SNX29: variants seen among roughly 807,000 people sequenced by gnomAD.
The protein encoded by SNX29 is sorting nexin-29.
A neutral mutation model predicts 102.1 loss-of-function variants in SNX29; 78 were observed. The ratio of observed to expected loss-of-function variants is 0.76; its 90% CI spans 0.64 to 0.92. The LOEUF (loss-of-function observed/expected upper bound fraction) is 0.92. Among genes scored for constraint, SNX29 ranks in the 40% least tolerant of loss-of-function variants. SNX29 has a pLI of 0.00. For missense variants in SNX29, 1,280 were observed against 1,061.7 expected (o/e 1.21, Z -2.86); for synonymous variants, 580 against 414.5 (o/e 1.40, Z -4.85).
At chr16:12,383,747 TA>T (rs545971536) in intron 16 of SNX29, among the ~76,000 whole-genome samples, 19 of 138,098 alleles carry the variant, frequency 1.4e-4, no homozygotes, top group Admixed American at 2.2e-4. Context: ...GATGTAACAT[TA>T]AAAAAAAAAG....
Position 12,572,691 on chromosome 16 carries a change from C to G in SNX29, c.*4062C>G, listed in dbSNP as rs980189901. 7.5e-6 allele frequency: 8 copies of G among 1,063,794 alleles called. No homozygotes were observed. The highest frequency in any genetic ancestry group is 3.3e-5 in the African/African-American group (2 of 60,966). 65.9% of individuals were successfully genotyped at this position (1,063,794 alleles called of 1,614,324 possible). A position where few individuals can be genotyped will look rare whatever the true frequency, so the allele number is the denominator to read the frequency against. ...GCACCCACACGGGGGAAGCCCTGCA[C>G]TCCAGCAGCATCTTCCAGCCTTGGC... On this transcript the variant is annotated 3_prime_UTR_variant, in exon 21 of 21. Coordinates refer to ENST00000566228, the MANE Select transcript of SNX29 (RefSeq NM_032167.5).
chr16:12,093,139 C>T (rs887313336), intron 11 of SNX29, among the ~76,000 whole-genome samples: 4 of 152,156 alleles, frequency 2.6e-5, no homozygotes, highest in Admixed American at 1.3e-4. Flanking sequence ...GGCCAGCAGC[C>T]CTTACATTGC....
intron 18 of SNX29, among the ~76,000 whole-genome samples, chr16:12,470,351 C>A (rs1441592632): frequency 2.0e-5 from 3 of 152,198 alleles, no homozygotes; most frequent in Non-Finnish European, 4.4e-5. Flanking sequence ...TCACCGCCTT[C>A]ATGTCAGCGG....
intron 10 of SNX29, among the ~76,000 whole-genome samples, chr16:12,076,667 G>A (rs1329304591): frequency 2.6e-5 from 4 of 152,134 alleles, no homozygotes; most frequent in Admixed American, 6.6e-5. Context: ...TGGCAGAACT[G>A]AAATGGACAC....
intron 20 of SNX29, among the ~76,000 whole-genome samples, chr16:12,544,690 A>G (rs2077505578): frequency 6.6e-6 from 1 of 152,192 alleles, no homozygotes; most frequent in Non-Finnish European, 1.5e-5. Context: ...TGTCACTCGA[A>G]TTCTCTTCCT....
intron 20 of SNX29, among the ~76,000 whole-genome samples, chr16:12,568,103 C>A (rs1053174600): frequency 1.1e-4 from 16 of 152,176 alleles, no homozygotes; most frequent in African/African-American, 3.6e-4. Flanking sequence ...TTTTGCTACG[C>A]ATCTTGTGTG....
intron 16 of SNX29, among the ~76,000 whole-genome samples, chr16:12,362,518 A>G (rs2082328792): frequency 6.8e-6 from 1 of 147,564 alleles, no homozygotes; most frequent in African/African-American, 2.5e-5. Flanking sequence ...TATGAATTTG[A>G]CAACTGAGTT....
rs75133421 is a variant in SNX29, at chr16:12,166,798, C to G, written c.1596-32803C>G. Reference sequence around the variant, plus strand: ...AAACCAGGAAGTCATGATCCACTTTCATTCAGTGCTTCCAGCAGATCTCGT... The same window carrying G: ...AAACCAGGAAGTCATGATCCACTTTGATTCAGTGCTTCCAGCAGATCTCGT... On this transcript the variant is annotated intron_variant, in intron 13 of 20. Transcript: ENST00000566228. Among the ~76,000 whole-genome samples, 120 of 152,334 alleles carry G rather than the reference C, an allele frequency of 7.9e-4. 1 individual carries two copies. In the East Asian group the frequency reaches 0.022, roughly 28 times the overall value.
chr16:12,496,300 G>C (rs1461798805), intron 19 of SNX29, among the ~76,000 whole-genome samples: 2 of 152,198 alleles, frequency 1.3e-5, no homozygotes, highest in East Asian at 3.9e-4. Context: ...TGTTTCCGTG[G>C]TGGTGGTGAT....
At chr16:12,550,544 A>C (rs996389512) in intron 20 of SNX29, among the ~76,000 whole-genome samples, 1 of 152,050 alleles carries the variant, frequency 6.6e-6, no homozygotes, top group African/African-American at 2.4e-5. Context: ...AAAAAAAAAA[A>C]AAACCAAACA....
intron 18 of SNX29, among the ~76,000 whole-genome samples, chr16:12,473,855 G>T (rs1398794537): frequency 6.6e-6 from 1 of 152,158 alleles, no homozygotes; most frequent in Admixed American, 6.5e-5. Flanking sequence ...TCTGAAAAAG[G>T]GAGGCATGAA....
At chr16:12,224,543 G>T (rs1388915111) in intron 14 of SNX29, among the ~76,000 whole-genome samples, 3 of 152,184 alleles carry the variant, frequency 2.0e-5, no homozygotes, top group East Asian at 3.9e-4. Context: ...TCAAGGAAGG[G>T]TTCTTGGAGA....
rs2077474585 is a variant in SNX29, at chr16:12,221,427, C to T, written c.1678+21744C>T. Among the ~76,000 whole-genome samples the T allele has an allele frequency of 1.3e-5, 2 of 152,162 alleles. 1 individual carries two copies. Among genetic ancestry groups the T allele is most frequent in the South Asian group, 4.1e-4 (2 of 4,828 alleles). ...GTCAGGAGTTTGAGATCAGCCTGGC[C>T]ATCATGGTAAAACCCCATCTCTACT... On this transcript the variant is annotated intron_variant, in intron 14 of 20. Coordinates refer to ENST00000566228, the MANE Select transcript of SNX29 (RefSeq NM_032167.5).
chr16:12,295,966 A>C lies in SNX29; in HGVS notation c.1782+17930A>C, dbSNP rs372667750. On this transcript the variant is annotated intron_variant, in intron 15 of 20. Transcript: ENST00000566228. The stretch of plus-strand genomic sequence containing the variant: ...GTCTTTTAAACAGTTCTTCTCCTCA[A>C]AATGAAATATGTTCTGTGGTAACAA... 9.6e-4 allele frequency among the ~76,000 whole-genome samples: 147 copies of C among 152,388 alleles called. 1 individual carries two copies. The highest frequency in any genetic ancestry group is 6.8e-3 in the Middle Eastern group (2 of 294).
At chr16:12,544,774 G>A (rs955147996) in intron 20 of SNX29, among the ~76,000 whole-genome samples, 1 of 152,196 alleles carries the variant, frequency 6.6e-6, no homozygotes, top group Non-Finnish European at 1.5e-5. Flanking sequence ...CGCACAGCTG[G>A]TAAACTGCAG....
At position 12,570,413 on chromosome 16, in the gene SNX29, A is replaced by G. The variant is rs3826100; in HGVS notation, c.*1784A>G. ...AAGGCCAGAGTGCACATCAGCTCAC[A>G]TGACTGGCAACTCTAAATAGAGAGC... On this transcript the variant is annotated 3_prime_UTR_variant, in exon 21 of 21. Coordinates refer to ENST00000566228, the MANE Select transcript of SNX29 (RefSeq NM_032167.5). 1.4e-3 allele frequency: 365 copies of G among 269,842 alleles called. 5 individuals are homozygous for G. Among genetic ancestry groups the G allele is most frequent in the African/African-American group, 7.1e-3 (327 of 46,062 alleles). 16.7% of individuals were successfully genotyped at this position (269,842 alleles called of 1,614,324 possible).
chr16:12,351,912 A>G (rs1310826271), intron 15 of SNX29, among the ~76,000 whole-genome samples: 2 of 152,164 alleles, frequency 1.3e-5, no homozygotes, highest in Non-Finnish European at 1.5e-5. Context: ...CTGTCTGCCA[A>G]GGGAACAGCG....
intron 16 of SNX29, among the ~76,000 whole-genome samples, chr16:12,357,675 C>A (rs1285717496): frequency 1.3e-5 from 2 of 152,190 alleles, no homozygotes; most frequent in African/African-American, 4.8e-5. Context: ...TGAAGCTGTC[C>A]CCTTTAAACA....
At chr16:12,559,735 A>G (rs986907403) in intron 20 of SNX29, among the ~76,000 whole-genome samples, 1 of 152,100 alleles carries the variant, frequency 6.6e-6, no homozygotes, top group South Asian at 2.1e-4. Context: ...AAATAGATGA[A>G]ATAGTGATGC....
Sources: allele counts gnomAD v4.1 joint callset (sites outside exome capture counted in the v4.1 genomes callset), GRCh38; gene constraint gnomAD v4.1.1; transcripts MANE v1.5; gene names NCBI Gene and HGNC (gene_info 2026-07-23, HGNC 2026-07-21).